Variants in CHD3 observed in about 807,000 individuals in gnomAD.
The protein encoded by CHD3 is ATP-dependent chromatin remodeler CHD3.
In CHD3, 52 loss-of-function variants were observed where a neutral mutation model predicts 248.9. That is an observed-to-expected ratio of 0.21 (90% CI 0.17 to 0.26). The LOEUF is 0.26. CHD3 is among the 10% of genes least tolerant of loss of function. The pLI is 1.00. For synonymous variants in CHD3, 985 were observed against 985.2 expected, an observed-to-expected ratio of 1.00 and a Z score of 0.00; for missense variants, 1,482 against 2,605.8, an observed-to-expected ratio of 0.57 and a Z score of 9.39.
In CHD3 at chr17:7,906,479, C is replaced by T. The variant is rs376172907; in HGVS notation, c.4359-74C>T. On this transcript the variant is annotated intron_variant, in intron 28 of 39. Coordinates refer to ENST00000330494, the MANE Select transcript of CHD3 (RefSeq NM_001005273.3). This position sits in a 1 kb window ranked among gnomAD's most constrained non-coding sequence, Gnocchi z 5.0. ...TGGGGGTTTGGGGGTCCTCAGTCAT[C>T]CTCGCGCCTCCCTCACTGCCCTATA... The T allele has an allele frequency of 6.5e-7, 1 of 1,531,858 alleles. No homozygotes were observed. The highest frequency in any genetic ancestry group is 1.4e-5 in the African/African-American group (1 of 73,006). The allele number at this position is 1,531,858 out of a possible 1,614,324, so 94.9% of individuals were successfully genotyped here. A position where few individuals can be genotyped will look rare whatever the true frequency, so the allele number is the denominator to read the frequency against.
At position 7,892,206 on chromosome 17, in the gene CHD3, C is replaced by T. The variant is rs145717741; in HGVS notation, c.510-1080C>T. 1.5e-3 allele frequency among the ~76,000 whole-genome samples: 234 copies of T among 152,264 alleles called. 1 individual carries two copies. The highest frequency in any genetic ancestry group is 5.3e-3 in the African/African-American group (220 of 41,536). On this transcript the variant is annotated intron_variant, in intron 4 of 39. Coordinates refer to ENST00000330494, the MANE Select transcript of CHD3 (RefSeq NM_001005273.3). ...TGGGGCTTTTCTCAGCACCATGGATCACCCGTGTCCGCACAAGAGTTGAGC... is the reference window on the plus strand; with the variant it reads ...TGGGGCTTTTCTCAGCACCATGGATTACCCGTGTCCGCACAAGAGTTGAGC...
chr17:7,901,434 A>G lies in CHD3; in HGVS notation c.3252+59A>G, dbSNP rs144755542. ...TTCCTCTTCCCTCTCCTCATCCTCC[A>G]GACTTTAATTTCTTACGGTCTTCCT... On this transcript the variant is annotated intron_variant, in intron 20 of 39. Transcript: ENST00000330494. 6.9e-5 allele frequency: 100 copies of G among 1,451,096 alleles called. No individual in the cohort carries two copies. The East Asian group carries it at 2.3e-3, about 34-fold the overall frequency. The allele number at this position is 1,451,096 out of a possible 1,614,324, so 89.9% of individuals were successfully genotyped here. A position where few individuals can be genotyped will look rare whatever the true frequency, so the allele number is the denominator to read the frequency against.
In CHD3 at chr17:7,901,343, G is replaced by A. The variant is rs1970274767; in HGVS notation, c.3220G>A (p.Glu1074Lys). 11 of 1,613,420 alleles carry A rather than the reference G, an allele frequency of 6.8e-6. No homozygotes were observed. Among genetic ancestry groups the A allele is most frequent in the Non-Finnish European group, 8.5e-6 (10 of 1,179,696 alleles). The change falls in exon 20 of 40, where the codon GAG becomes AAG. Residue 1074 changes from glutamate to lysine, a missense_variant. Physicochemically the swap from Glu to Lys is moderately conservative, Grantham distance 56. This residue lies in a region of CHD3 where 31 missense variants were observed against 53.9 expected (regional missense o/e 0.58). Coordinates refer to ENST00000330494, the MANE Select transcript of CHD3 (RefSeq NM_001005273.3). Reference sequence around the variant, plus strand: ...CCAGAAGATGCTGCGAAAGCTGAAGGAGCAAGGACACCGAGTGCTCATCTT... The same window carrying A: ...CCAGAAGATGCTGCGAAAGCTGAAGAAGCAAGGACACCGAGTGCTCATCTT... ...LLQKMLRKLK[E>K]QGHRVLIFSQ...
chr17:7,889,851 C>T lies in CHD3; in HGVS notation c.213+75C>T. On this transcript the variant is annotated intron_variant, in intron 2 of 39. Transcript: ENST00000330494. This position sits in a 1 kb window ranked among gnomAD's most constrained non-coding sequence, Gnocchi z 4.5. ...CTCAGAGACCTACATTTTCTCTGGTCCTGATTACTGGTGTGGGGGTGGGGT... is the reference window on the plus strand; with the variant it reads ...CTCAGAGACCTACATTTTCTCTGGTTCTGATTACTGGTGTGGGGGTGGGGT... The T allele has an allele frequency of 1.4e-6, 2 of 1,391,124 alleles. No individual in the cohort carries two copies. Among genetic ancestry groups the T allele is most frequent in the Admixed American group, 4.0e-5 (2 of 50,600 alleles). 86.2% of individuals were successfully genotyped at this position (1,391,124 alleles called of 1,614,324 possible).
Position 7,897,007 on chromosome 17 carries a change from C to T in CHD3, c.1708-76C>T, listed in dbSNP as rs997264746. On this transcript the variant is annotated intron_variant, in intron 10 of 39. Transcript: ENST00000330494. This position sits in a 1 kb window ranked among gnomAD's most constrained non-coding sequence, Gnocchi z 4.8. ...CCTTTCCCTGTCCCATTCCTCCTGC[C>T]GGCCTCTTCCCGGTTCCTTGTTGTC... 1.1e-4 allele frequency: 134 copies of T among 1,232,052 alleles called. No individual in the cohort carries two copies. The highest frequency in any genetic ancestry group is 2.0e-4 in the Middle Eastern group (1 of 5,028). 76.3% of individuals were successfully genotyped at this position (1,232,052 alleles called of 1,614,324 possible).
Position 7,905,203 on chromosome 17 carries a change from C to A in CHD3, c.4138+38C>A. 6.3e-7 allele frequency: 1 copy of A among 1,590,878 alleles called. No homozygotes were observed. The highest frequency in any genetic ancestry group is 1.1e-5 in the South Asian group (1 of 90,566). On this transcript the variant is annotated intron_variant, in intron 26 of 39. Coordinates refer to ENST00000330494, the MANE Select transcript of CHD3 (RefSeq NM_001005273.3). The surrounding 1 kb of genome is among the most constrained non-coding windows in gnomAD (Gnocchi z 5.8). Reference sequence around the variant, plus strand: ...TTCCTGACTCTACCTCACCTCTTCCCGTTTTATTTTCCAGTTTGCTTTAAG... The same window carrying A: ...TTCCTGACTCTACCTCACCTCTTCCAGTTTTATTTTCCAGTTTGCTTTAAG...
At chr17:7,887,998 G>A (rs527760010), upstream of CHD3, among the ~76,000 whole-genome samples, 1 of 152,316 alleles carries the variant, frequency 6.6e-6, no homozygotes, top group East Asian at 1.9e-4. Flanking sequence ...GGCTGGTGGT[G>A]GCCGAGGCCG....
chr17:7,892,039 T>C (rs1367799963), intron 4 of CHD3, among the ~76,000 whole-genome samples: 1 of 152,130 alleles, frequency 6.6e-6, no homozygotes, highest in East Asian at 1.9e-4. Context: ...GGAATAATAA[T>C]ATATACCTCA....
Position 7,903,493 on chromosome 17 carries a change from T to C in CHD3, c.3717T>C (p.Asp1239=). 1.2e-6 allele frequency: 2 copies of C among 1,613,294 alleles called. No homozygotes were observed. The highest frequency in any genetic ancestry group is 1.7e-6 in the Non-Finnish European group (2 of 1,179,470). ...LKFGTEELFK[D]ENEGENKEED... is the part of the protein sequence containing the mutation. ...TTGGCACTGAAGAGCTATTCAAGGATGAAAACGAGGGTGAGAACCTTTTCT... is the reference window on the plus strand; with the variant it reads ...TTGGCACTGAAGAGCTATTCAAGGACGAAAACGAGGGTGAGAACCTTTTCT... The change falls in exon 23 of 40, where the codon GAT becomes GAC. Residue 1239 remains aspartate, a synonymous_variant. Transcript: ENST00000330494. This position sits in a 1 kb window ranked among gnomAD's most constrained non-coding sequence, Gnocchi z 6.8.
In CHD3 at chr17:7,908,558, C is replaced by CA. The variant is rs112421907; in HGVS notation, c.5261+60dup. 0.11 allele frequency: 124,561 copies of CA among 1,182,230 alleles called. 294 individuals carry two copies. The highest frequency in any genetic ancestry group is 0.12 in the Non-Finnish European group (102,132 of 857,120). The allele number at this position is 1,182,230 out of a possible 1,614,324, so 73.2% of individuals were successfully genotyped here. A position where few individuals can be genotyped will look rare whatever the true frequency, so the allele number is the denominator to read the frequency against. Reference sequence around the variant, plus strand: ...GAAGGAAAAGGTTCTCTCAAGCTGGCAAAAAAAAAAAAGATGATTTCACAC... The same window carrying CA: ...GAAGGAAAAGGTTCTCTCAAGCTGGCAAAAAAAAAAAAAGATGATTTCACAC... On this transcript the variant is annotated intron_variant, in intron 35 of 39. Transcript: ENST00000330494. This position sits in a 1 kb window ranked among gnomAD's most constrained non-coding sequence, Gnocchi z 5.8.
Position 7,905,610 on chromosome 17 carries a change from C to T in CHD3, c.4139-11C>T. The T allele has an allele frequency of 6.4e-7, 1 of 1,572,938 alleles. No homozygotes were observed. Among genetic ancestry groups the T allele is most frequent in the Non-Finnish European group, 8.6e-7 (1 of 1,157,034 alleles). ...GGTGGCTCAGCTAACTGATGTCATC[C>T]CCACCCTCAGGGCGTAGACAGTCAA... On this transcript the variant is annotated splice_polypyrimidine_tract_variant and intron_variant, in intron 26 of 39. Coordinates refer to ENST00000330494, the MANE Select transcript of CHD3 (RefSeq NM_001005273.3). This position sits in a 1 kb window ranked among gnomAD's most constrained non-coding sequence, Gnocchi z 5.8.
Position 7,893,588 on chromosome 17 carries a change from A to T in CHD3, c.793+19A>T, listed in dbSNP as rs1969203049. 3 of 1,548,306 alleles carry T rather than the reference A, an allele frequency of 1.9e-6. No individual in the cohort carries two copies. The highest frequency in any genetic ancestry group is 1.9e-5 in the Admixed American group (1 of 51,350). Reference sequence around the variant, plus strand: ...GGCAAAGGTAGGGAACTCTCTTCCAACAACTGTCATCTCACCTTCCAAACT... The same window carrying T: ...GGCAAAGGTAGGGAACTCTCTTCCATCAACTGTCATCTCACCTTCCAAACT... On this transcript the variant is annotated intron_variant, in intron 5 of 39. Coordinates refer to ENST00000330494, the MANE Select transcript of CHD3 (RefSeq NM_001005273.3).
In CHD3 at chr17:7,911,057, C is replaced by G; in HGVS notation, c.5881+84C>G. ...TCTGCTCAGCTGCCCTTTAACTGCTCTAGTCCATCTCATTTCCTTGGTGGT... is the reference window on the plus strand; with the variant it reads ...TCTGCTCAGCTGCCCTTTAACTGCTGTAGTCCATCTCATTTCCTTGGTGGT... On this transcript the variant is annotated intron_variant, in intron 39 of 39. Transcript: ENST00000330494. This position sits in a 1 kb window ranked among gnomAD's most constrained non-coding sequence, Gnocchi z 5.4. 6.4e-7 allele frequency: 1 copy of G among 1,553,976 alleles called. No homozygotes were observed. The highest frequency in any genetic ancestry group is 8.8e-7 in the Non-Finnish European group (1 of 1,137,794).
chr17:7,902,547 T>C, intron 20 of CHD3, 63 bp from the exon 21 acceptor site: 1 of 1,071,828 alleles, frequency 9.3e-7, no homozygotes. Context: ...AAAGGAGTAG[T>C]TAGAATAAGC....
At chr17:7,896,683 T>C (rs1335116614) in intron 10 of CHD3, among the ~76,000 whole-genome samples, 2 of 149,468 alleles carry the variant, frequency 1.3e-5, no homozygotes, top group Non-Finnish European at 3.0e-5. Context: ...GGGACGCGCC[T>C]GTTATTCTCT....
upstream of CHD3, among the ~76,000 whole-genome samples, chr17:7,886,320 C>G (rs1006950349): frequency 6.6e-6 from 1 of 152,232 alleles, no homozygotes; most frequent in Non-Finnish European, 1.5e-5. This position sits in a 1 kb window ranked among gnomAD's most constrained non-coding sequence, Gnocchi z 4.2. Flanking sequence ...GATTTCTAGT[C>G]TTCTTTGGGA....
chr17:7,900,497 G>C lies in CHD3; in HGVS notation c.2805-61G>C. The C allele has an allele frequency of 6.2e-7, 1 of 1,610,100 alleles. No homozygotes were observed. Among genetic ancestry groups the C allele is most frequent in the Non-Finnish European group, 8.5e-7 (1 of 1,176,912 alleles). ...GTAGAGGATTAATCTGAGGTGGTAAGTCTGAGATCAGGGGCAAGGAACTTG... is the reference window on the plus strand; with the variant it reads ...GTAGAGGATTAATCTGAGGTGGTAACTCTGAGATCAGGGGCAAGGAACTTG... On this transcript the variant is annotated intron_variant, in intron 17 of 39. Coordinates refer to ENST00000330494, the MANE Select transcript of CHD3 (RefSeq NM_001005273.3). The surrounding 1 kb of genome is among the most constrained non-coding windows in gnomAD (Gnocchi z 6.5).
rs763807950 is a variant in CHD3 at position 7,902,604 on chromosome 17, C to T, written c.3253-6C>T. ...TTGCAGACTCCATCCTTTTCTCTTG[C>T]TCTAGATGACCAAAATGTTAGACTT... On this transcript the variant is annotated splice_polypyrimidine_tract_variant and splice_region_variant and intron_variant, in intron 20 of 39. Transcript: ENST00000330494. 1.6e-5 allele frequency: 25 copies of T among 1,598,210 alleles called. No homozygotes were observed. The highest frequency in any genetic ancestry group is 2.0e-5 in the Non-Finnish European group (23 of 1,165,994).
chr17:7,901,451 G>T, intron 20 of CHD3, 76 bp downstream of exon 20: 1 of 1,357,294 alleles, frequency 7.4e-7, no homozygotes, highest in South Asian at 1.7e-5. Context: ...AATTTCTTAC[G>T]GTCTTCCTGT....
Sources: gnomAD v4.1 joint callset for allele counts (sites outside exome capture counted in the v4.1 genomes callset) on GRCh38, gnomAD v4.1.1 for gene constraint, gnomAD v4.1.1 regional missense constraint, Gnocchi (gnomAD v3.1) non-coding constraint, MANE v1.5 for transcripts, NCBI Gene and HGNC (gene_info 2026-07-23, HGNC 2026-07-21) for gene names.